The following CUX1 variants were observed in gnomAD, a reference collection of about 807,000 sequenced individuals.
The protein encoded by CUX1 is protein CASP.
CUX1 carries 31 observed loss-of-function variants against 158.8 expected under a neutral mutation model. The observed-to-expected ratio is 0.20, with a 90% CI of 0.15 to 0.26. The LOEUF (loss-of-function observed/expected upper bound fraction) is 0.26. Among genes scored for constraint, CUX1 ranks in the 10% least tolerant of loss-of-function variants. The pLI, the probability that CUX1 is intolerant of heterozygous loss-of-function variation, is 1.00. For synonymous variants in CUX1, 879 were observed against 862.1 expected (o/e 1.02, Z -0.34); for missense variants, 1,589 against 2,014.6 (o/e 0.79, Z 4.04).
At chr7:101,878,176 G>A (rs1799351398) in intron 1 of CUX1, among the ~76,000 whole-genome samples, 1 of 152,196 alleles carries the variant, frequency 6.6e-6, no homozygotes, top group Non-Finnish European at 1.5e-5. Context: ...AAACCACCTG[G>A]TTTTGTAGGT....
intron 23 of CUX1, among the ~76,000 whole-genome samples, chr7:102,240,497 G>T (rs533331816): frequency 6.6e-6 from 1 of 151,896 alleles, no homozygotes; most frequent in South Asian, 2.1e-4. Context: ...GCCTCAAGCA[G>T]TCCTACCACC....
At position 102,003,334 on chromosome 7, in the gene CUX1, A is replaced by ACACACACACACGCC. The variant is rs1469103474; in HGVS notation, c.142-24763_142-24762insACACACACACGCCC. 3.2e-3 allele frequency among the ~76,000 whole-genome samples: 463 copies of ACACACACACACGCC among 146,646 alleles called. 8 individuals carry two copies. The highest frequency in any genetic ancestry group is 0.012 in the African/African-American group (451 of 38,696). ...CACACACACACACACACACACACAC[A>ACACACACACACGCC]CGCCCGCCCCCCGCTCCACTGTTCT... is the stretch of plus-strand genomic sequence containing the variant. On this transcript the variant is annotated intron_variant, in intron 2 of 23. Coordinates refer to ENST00000292535, the MANE Select transcript of CUX1 (RefSeq NM_181552.4).
intron 3 of CUX1, among the ~76,000 whole-genome samples, chr7:102,030,308 G>A (rs777816770): frequency 1.3e-4 from 20 of 152,144 alleles, no homozygotes; most frequent in African/African-American, 3.1e-4. Context: ...CACTGCGCCC[G>A]GCCCACCTAT....
chr7:101,960,704 G>A (rs1038971435), intron 2 of CUX1: 9 of 152,216 alleles, frequency 5.9e-5, no homozygotes, highest in Non-Finnish European at 1.0e-4. Context: ...TAAGAGCCTG[G>A]TCATGCAAAG....
chr7:102,216,543 CA>C, intron 20 of CUX1, among the ~76,000 whole-genome samples: 1 of 86,200 alleles, frequency 1.2e-5, no homozygotes, highest in Non-Finnish European at 2.5e-5. Context: ...CCCACACACA[CA>C]CACCCACACA....
downstream of CUX1, among the ~76,000 whole-genome samples, chr7:102,258,846 G>A (rs1554542930): frequency 6.6e-6 from 1 of 152,208 alleles, no homozygotes; most frequent in Non-Finnish European, 1.5e-5. Flanking sequence ...ACAGTGGCTT[G>A]CGGGTCTCTG....
rs760598121 is a variant in CUX1 at position 102,258,150 on chromosome 7, CTGTA to C, written c.*9111_*9114del. 2,636 of 985,128 alleles carry C rather than the reference CTGTA, an allele frequency of 2.7e-3. 6 individuals are homozygous for C. The highest frequency in any genetic ancestry group is 3.0e-3 in the Non-Finnish European group (2,484 of 829,728). 61.0% of individuals were successfully genotyped at this position (985,128 alleles called of 1,614,324 possible). On this transcript the variant is annotated 3_prime_UTR_variant, in exon 24 of 24. Coordinates refer to ENST00000292535, the MANE Select transcript of CUX1 (RefSeq NM_181552.4). ...TATATAATACGGAGAAGCAATATCACTGTATGAGACTCACACCATGTATTATTAT... is the reference window on the plus strand; with the variant it reads ...TATATAATACGGAGAAGCAATATCACTGAGACTCACACCATGTATTATTAT...
At chr7:102,169,010 G>A (rs1219225023) in intron 9 of CUX1, among the ~76,000 whole-genome samples, 1 of 145,244 alleles carries the variant, frequency 6.9e-6, no homozygotes, top group South Asian at 2.2e-4. Context: ...TCTGCTCACC[G>A]CAAACCTCTA....
At chr7:102,067,197 CTT>C (rs1384963616) in intron 3 of CUX1, among the ~76,000 whole-genome samples, 2 of 140,118 alleles carry the variant, frequency 1.4e-5, no homozygotes, top group African/African-American at 5.3e-5. Context: ...ACATCTGTCT[CTT>C]GTTTGCCTGT....
chr7:102,224,149 C>A (rs782440640), intron 20 of CUX1, among the ~76,000 whole-genome samples: 3 of 152,156 alleles, frequency 2.0e-5, no homozygotes. Flanking sequence ...TGTCTGTTGG[C>A]GAGTAAACTA....
intron 23 of CUX1, among the ~76,000 whole-genome samples, chr7:102,244,527 G>GTA (rs113688585): frequency 5.9e-5 from 9 of 151,846 alleles, no homozygotes; most frequent in Non-Finnish European, 1.2e-4. Flanking sequence ...GTGAGACCAC[G>GTA]TCTACAAAAA....
chr7:102,227,207 G>A (rs1342405166), intron 20 of CUX1, among the ~76,000 whole-genome samples, 160 bp from the exon 21 acceptor site: 1 of 151,966 alleles, frequency 6.6e-6, no homozygotes, highest in Non-Finnish European at 1.5e-5. Context: ...GTTACTCTCA[G>A]TCAAAAAAAT....
intron 1 of CUX1, among the ~76,000 whole-genome samples, chr7:101,847,702 C>T (rs972848990): frequency 2.0e-5 from 3 of 151,864 alleles, no homozygotes; most frequent in African/African-American, 7.3e-5. Context: ...CCTCAGCCTC[C>T]CAAAGTGCTT....
intron 4 of CUX1, among the ~76,000 whole-genome samples, chr7:102,088,748 AT>A (rs1340171865): frequency 6.6e-6 from 1 of 152,128 alleles, no homozygotes; most frequent in African/African-American, 2.4e-5. Flanking sequence ...ATTCATATAT[AT>A]TTTTTTAACC....
intron 11 of CUX1, among the ~76,000 whole-genome samples, chr7:102,179,343 C>T (rs1270594068): frequency 2.6e-5 from 4 of 152,190 alleles, no homozygotes; most frequent in Admixed American, 1.3e-4. Context: ...CCTCTGCACC[C>T]GGCTCTTTAA....
At position 102,204,504 on chromosome 7, in the gene CUX1, C is replaced by T. The variant is rs139470121; in HGVS notation, c.3021C>T (p.Asn1007=). 6.8e-6 allele frequency: 11 copies of T among 1,613,620 alleles called. No individual in the cohort carries two copies. The highest frequency in any genetic ancestry group is 5.3e-5 in the African/African-American group (4 of 74,940). ...EPFIRMQLWL[N]GELGQGVLPV... Reference sequence around the variant, plus strand: ...TCATCCGGATGCAGCTCTGGCTGAACGGCGAGCTAGGCCAGGGTGTTCTAC... The same window carrying T: ...TCATCCGGATGCAGCTCTGGCTGAATGGCGAGCTAGGCCAGGGTGTTCTAC... The change falls in exon 19 of 24, where the codon AAC becomes AAT. Residue 1007 remains asparagine, a synonymous_variant. Coordinates refer to ENST00000292535, the MANE Select transcript of CUX1 (RefSeq NM_181552.4).
At position 102,249,385 on chromosome 7, in the gene CUX1, G is replaced by C. The variant is rs1349342260; in HGVS notation, c.*343G>C. On this transcript the variant is annotated 3_prime_UTR_variant, in exon 24 of 24. Transcript: ENST00000292535. ...CAGGGCAAAATCGCCATAGGCCAAG[G>C]TGCATATAGAAAACAAAGGAGCATT... 1 of 993,314 alleles carries C rather than the reference G, an allele frequency of 1.0e-6. No individual in the cohort carries two copies. Among genetic ancestry groups the C allele is most frequent in the Non-Finnish European group, 1.2e-6 (1 of 835,028 alleles). 61.5% of individuals were successfully genotyped at this position (993,314 alleles called of 1,614,324 possible). A position where few individuals can be genotyped will look rare whatever the true frequency, so the allele number is the denominator to read the frequency against.
intron 2 of CUX1, among the ~76,000 whole-genome samples, chr7:101,972,053 G>A (rs556617075): frequency 2.2e-4 from 33 of 152,136 alleles, no homozygotes; most frequent in African/African-American, 2.9e-4. Context: ...TGCAAGCTCC[G>A]CCTCCCGGGT....
At chr7:102,113,796 C>T (rs1554491033) in intron 7 of CUX1, among the ~76,000 whole-genome samples, 1 of 152,048 alleles carries the variant, frequency 6.6e-6, no homozygotes, top group East Asian at 1.9e-4. Flanking sequence ...GAAGTTCTGG[C>T]CTCCAGTGAT....
Sources: allele counts gnomAD v4.1 joint callset (sites outside exome capture counted in the v4.1 genomes callset), GRCh38; gene constraint gnomAD v4.1.1; transcripts MANE v1.5; gene names NCBI Gene and HGNC (gene_info 2026-07-23, HGNC 2026-07-21).